The following BPHL variants were observed in gnomAD, a reference collection of about 807,000 sequenced individuals.
BPHL encodes the protein biphenyl hydrolase like.
In BPHL, 27 loss-of-function variants were observed where a neutral mutation model predicts 31.2. That is an observed-to-expected ratio of 0.87 (90% CI 0.64 to 1.19). BPHL has a LOEUF of 1.19. Among genes scored for constraint, BPHL ranks in the 50% most tolerant of loss-of-function variants. The pLI, the probability that BPHL is intolerant of heterozygous loss-of-function variation, is 0.00. For synonymous variants in BPHL, 150 were observed against 146.8 expected (o/e 1.02, Z -0.16); for missense variants, 356 against 375.7 (o/e 0.95, Z 0.43).
At chr6:3,146,867 CG>C (rs201096090) in intron 6 of BPHL, among the ~76,000 whole-genome samples, 4 of 133,124 alleles carry the variant, frequency 3.0e-5, no homozygotes, top group Non-Finnish European at 3.2e-5. Flanking sequence ...TGGTTTGGGT[CG>C]GAGTGCTGGT....
intron 5 of BPHL, chr6:3,139,289 C>T (rs1238300501): frequency 6.6e-6 from 1 of 152,200 alleles, no homozygotes; most frequent in Non-Finnish European, 1.5e-5. Context: ...TTTTTATATG[C>T]TGAATGAGTT....
At chr6:3,118,936 C>T (rs1761472277) in intron 1 of BPHL, 89 bp downstream of exon 1, 9 of 1,093,974 alleles carry the variant, frequency 8.2e-6, no homozygotes, top group Non-Finnish European at 1.0e-5. Context: ...CAGGAGTTCC[C>T]GGCGCGCGGG....
At chr6:3,128,916 G>C in intron 3 of BPHL, 129 bp from the exon 4 acceptor site, 1 of 1,375,646 alleles carries the variant, frequency 7.3e-7, no homozygotes, top group Non-Finnish European at 1.0e-6. Context: ...GTGGACTCTA[G>C]GGTTTTTCTT....
intron 1 of BPHL, among the ~76,000 whole-genome samples, chr6:3,119,756 G>A (rs996789872): frequency 1.3e-5 from 2 of 152,178 alleles, no homozygotes; most frequent in Non-Finnish European, 2.9e-5. Flanking sequence ...TAGGTACACA[G>A]CGTTTAGAAC....
Position 3,131,518 on chromosome 6 carries a change from C to G in BPHL, c.532+2320C>G, listed in dbSNP as rs531448308. 2.0e-5 allele frequency among the ~76,000 whole-genome samples: 3 copies of G among 152,298 alleles called. No homozygotes were observed. The South Asian group carries it at 6.2e-4, about 32-fold the overall frequency. ...CCCCACATTCTCCTGGTTTAGGCCG[C>G]TAGCTTCATATGGTAGTTTGTTCTC... On this transcript the variant is annotated intron_variant, in intron 4 of 6. Coordinates refer to ENST00000380379, the MANE Select transcript of BPHL (RefSeq NM_004332.4).
Position 3,141,092 on chromosome 6 carries a change from GA to G in BPHL, c.788+590del, listed in dbSNP as rs202117864. Among the ~76,000 whole-genome samples, 551 of 152,002 alleles carry G rather than the reference GA, an allele frequency of 3.6e-3. 2 individuals carry two copies. The highest frequency in any genetic ancestry group is 0.012 in the African/African-American group (515 of 41,490). ...ATTTCTCAGAGAATTTTTAAAGGAG[GA>G]AAAAAAGTTTCTTTTCTATAATAAA... On this transcript the variant is annotated intron_variant, in intron 6 of 6. Transcript: ENST00000380379.
chr6:3,131,067 T>C (rs1440252501), intron 4 of BPHL, among the ~76,000 whole-genome samples: 1 of 152,180 alleles, frequency 6.6e-6, no homozygotes, highest in African/African-American at 2.4e-5. Flanking sequence ...GTCAGTCCTC[T>C]CAGCCTGCAA....
chr6:3,142,240 T>G (rs1762198637), intron 6 of BPHL, among the ~76,000 whole-genome samples: 2 of 151,838 alleles, frequency 1.3e-5, no homozygotes, highest in South Asian at 4.2e-4. Context: ...TGCCTCAGCC[T>G]CCTGAGTAGC....
intron 1 of BPHL, chr6:3,119,493 C>T (rs2113739933): frequency 6.2e-7 from 1 of 1,614,140 alleles, no homozygotes; most frequent in South Asian, 1.1e-5. Context: ...TTTGTCCTCC[C>T]ACCTGTCCCC....
intron 6 of BPHL, among the ~76,000 whole-genome samples, chr6:3,146,164 G>C (rs866478907): frequency 1.2e-4 from 4 of 33,498 alleles, no homozygotes; most frequent in African/African-American, 4.3e-4. Context: ...CTGGTTCGGG[G>C]TGGAGTGCTG....
intron 4 of BPHL, among the ~76,000 whole-genome samples, chr6:3,134,967 A>C (rs1210991312): frequency 6.6e-6 from 1 of 151,824 alleles, no homozygotes; most frequent in Non-Finnish European, 1.5e-5. Context: ...GAACTCCTGG[A>C]CTTAAGTAAT....
intron 6 of BPHL, among the ~76,000 whole-genome samples, chr6:3,143,631 C>T (rs577670929): frequency 2.0e-5 from 3 of 152,334 alleles, no homozygotes; most frequent in Admixed American, 6.5e-5. Context: ...TTCTGCCTCC[C>T]GTGTCCACAT....
At chr6:3,144,193 G>C (rs1025932492) in intron 6 of BPHL, among the ~76,000 whole-genome samples, 1 of 151,072 alleles carries the variant, frequency 6.6e-6, no homozygotes, top group African/African-American at 2.4e-5. Context: ...TCAGCCTCCC[G>C]AGTAGCTGGG....
Position 3,140,578 on chromosome 6 carries a change from G to A in BPHL, c.788+69G>A. The A allele has an allele frequency of 6.3e-7, 1 of 1,596,570 alleles. No individual in the cohort carries two copies. Among genetic ancestry groups the A allele is most frequent in the South Asian group, 1.1e-5 (1 of 90,194 alleles). On this transcript the variant is annotated intron_variant, in intron 6 of 6. Transcript: ENST00000380379. The surrounding 1 kb of genome is among the most constrained non-coding windows in gnomAD (Gnocchi z 5.2). ...AGTCAATGGGCAAAGCTACTGGAAG[G>A]AAAATAACCAAGAGGAGTTGGAGTT...
At position 3,118,822 on chromosome 6, in the gene BPHL, C is replaced by G. The variant is rs886097227; in HGVS notation, c.82C>G (p.Arg28Gly). ...GCTGAAGCCCGGGATCCACGTCCCA[C>G]GGGCCGGACCCGCGGCCGCGTTCGG... Reference protein sequence around the residue: ...SALKPGIHVPRAGPAAAFGTS... With the variant: ...SALKPGIHVPGAGPAAAFGTS... The change falls in exon 1 of 7, where the codon CGG becomes GGG. Residue 28 changes from arginine to glycine, a missense_variant. Transcript: ENST00000380379. The G allele has an allele frequency of 8.1e-7, 1 of 1,241,994 alleles. No individual in the cohort carries two copies. Among genetic ancestry groups the G allele is most frequent in the Non-Finnish European group, 1.0e-6 (1 of 990,576 alleles). 76.9% of individuals were successfully genotyped at this position (1,241,994 alleles called of 1,614,324 possible). A position where few individuals can be genotyped will look rare whatever the true frequency, so the allele number is the denominator to read the frequency against.
chr6:3,145,876 G>T (rs1762329925), intron 6 of BPHL, among the ~76,000 whole-genome samples: 1 of 68,462 alleles, frequency 1.5e-5, no homozygotes, highest in Non-Finnish European at 3.4e-5. Flanking sequence ...GTGCTGGTTT[G>T]GGTCGGAGTG....
chr6:3,133,091 G>A (rs1298277416), intron 4 of BPHL, among the ~76,000 whole-genome samples: 3 of 152,104 alleles, frequency 2.0e-5, no homozygotes, highest in East Asian at 1.9e-4. Context: ...AGTGCCTGCC[G>A]TGAGCTAAAG....
In BPHL at chr6:3,152,632, C is replaced by A; in HGVS notation, c.*57C>A. Reference sequence around the variant, plus strand: ...GTGTGGGGCTTGATCGTGTTGCTGCCTGTTAACATGATGCCTTTGAAACTC... The same window carrying A: ...GTGTGGGGCTTGATCGTGTTGCTGCATGTTAACATGATGCCTTTGAAACTC... On this transcript the variant is annotated 3_prime_UTR_variant, in exon 7 of 7. Transcript: ENST00000380379. 6.8e-7 allele frequency: 1 copy of A among 1,480,594 alleles called. No homozygotes were observed. Among genetic ancestry groups the A allele is most frequent in the Non-Finnish European group, 9.4e-7 (1 of 1,068,854 alleles). The allele number at this position is 1,480,594 out of a possible 1,614,324, so 91.7% of individuals were successfully genotyped here.
At chr6:3,146,724 T>TC (rs1272682948) in intron 6 of BPHL, among the ~76,000 whole-genome samples, 5 of 139,824 alleles carry the variant, frequency 3.6e-5, no homozygotes, top group African/African-American at 1.4e-4. Flanking sequence ...CTGGTTTGGG[T>TC]TGAGTGCTGG....
Sources: allele counts gnomAD v4.1 joint callset (sites outside exome capture counted in the v4.1 genomes callset), GRCh38; gene constraint gnomAD v4.1.1; non-coding constraint Gnocchi (gnomAD v3.1); transcripts MANE v1.5; gene names NCBI Gene and HGNC (gene_info 2026-07-23, HGNC 2026-07-21).